Variants in ZC4H2 observed in about 807,000 individuals in gnomAD.
The protein encoded by ZC4H2 is zinc finger C4H2 domain-containing protein.
For synonymous variants in ZC4H2, 84 were observed against 66.3 expected (o/e 1.27, Z -1.30); for missense variants, 137 against 173.9 (o/e 0.79, Z 1.19).
intron 1 of ZC4H2, among the ~76,000 whole-genome samples, chrX:65,028,044 G>T (rs906781151): frequency 9.0e-6 from 1 of 111,696 alleles, no homozygotes; most frequent in East Asian, 2.8e-4. Context: ...ACTTTCAATA[G>T]GAAGAAATCT....
chrX:64,975,817 G>C (rs1415758648), intron 1 of ZC4H2, among the ~76,000 whole-genome samples: 1 of 110,775 alleles, frequency 9.0e-6, no homozygotes, highest in Non-Finnish European at 1.9e-5. Context: ...AAAGGAAAAC[G>C]AGCGCGCGCC....
At chrX:64,952,425 T>C (rs138177425) in intron 1 of ZC4H2, among the ~76,000 whole-genome samples, 63 of 110,266 alleles carry the variant, frequency 5.7e-4, no homozygotes, top group African/African-American at 2.1e-3. Flanking sequence ...GACCCCATCA[T>C]GTCAGCCCAA....
At chrX:64,965,837 C>A (rs918618476) in intron 1 of ZC4H2, among the ~76,000 whole-genome samples, 1 of 106,748 alleles carries the variant, frequency 9.4e-6, no homozygotes, top group Non-Finnish European at 1.9e-5. Flanking sequence ...ATTGGGGAAG[C>A]TGAAGTGGGA....
chrX:64,947,859 TG>T (rs1391714526), intron 1 of ZC4H2, among the ~76,000 whole-genome samples: 1,723 of 108,379 alleles, frequency 0.016, 40 homozygotes, highest in African/African-American at 0.058. Context: ...TTTTTTTTTT[TG>T]TTTATAAATC....
At chrX:64,967,214 G>A (rs1180076820) in intron 1 of ZC4H2, among the ~76,000 whole-genome samples, 1 of 111,393 alleles carries the variant, frequency 9.0e-6, no homozygotes. Flanking sequence ...CCTTTACTAT[G>A]GTCTTCAGGA....
intron 1 of ZC4H2, among the ~76,000 whole-genome samples, chrX:64,945,748 C>G (rs1930498389): frequency 1.8e-5 from 2 of 111,640 alleles, no homozygotes; most frequent in Non-Finnish European, 1.9e-5. Context: ...CTAACTGGGA[C>G]TGCTGCCTTT....
chrX:64,987,680 A>G (rs1932217219), intron 1 of ZC4H2, among the ~76,000 whole-genome samples: 1 of 110,368 alleles, frequency 9.1e-6, no homozygotes, highest in African/African-American at 3.3e-5. Flanking sequence ...ATCTAGGACT[A>G]AGCAAAGGAT....
intron 1 of ZC4H2, among the ~76,000 whole-genome samples, chrX:64,925,040 T>A (rs1391874270): frequency 9.0e-6 from 1 of 111,153 alleles, no homozygotes; most frequent in Non-Finnish European, 1.9e-5. Context: ...TGGTGAGGAT[T>A]AAATGAGCTA....
intron 1 of ZC4H2, among the ~76,000 whole-genome samples, chrX:64,988,129 T>G (rs1260780356): frequency 9.1e-6 from 1 of 110,354 alleles, no homozygotes; most frequent in South Asian, 3.9e-4. Flanking sequence ...TAATCCACTC[T>G]ATCATTGTTG....
chrX:64,986,395 C>G (rs934837205), intron 1 of ZC4H2, among the ~76,000 whole-genome samples: 3 of 112,095 alleles, frequency 2.7e-5, no homozygotes, highest in Admixed American at 1.9e-4. Context: ...AATCTAAGGC[C>G]AGGCATTCCC....
chrX:65,007,794 A>C (rs756465432), intron 1 of ZC4H2, among the ~76,000 whole-genome samples: 15 of 112,156 alleles, frequency 1.3e-4, no homozygotes, highest in Non-Finnish European at 2.6e-4. Flanking sequence ...CACCATATAC[A>C]AGAATCAAAA....
chrX:64,949,859 C>G (rs1930710953), intron 1 of ZC4H2, among the ~76,000 whole-genome samples: 3 of 111,474 alleles, frequency 2.7e-5, no homozygotes, highest in Admixed American at 1.9e-4. Flanking sequence ...CAGTTCTGCT[C>G]TGATCTTAGT....
chrX:64,951,245 A>G (rs1395916870), intron 1 of ZC4H2, among the ~76,000 whole-genome samples: 1 of 112,338 alleles, frequency 8.9e-6, no homozygotes, highest in Non-Finnish European at 1.9e-5. Flanking sequence ...TGCTATTGTG[A>G]ATAGTGCCAC....
At chrX:64,934,320 T>A (rs953408847) in intron 1 of ZC4H2, among the ~76,000 whole-genome samples, 5 of 112,541 alleles carry the variant, frequency 4.4e-5, no homozygotes, top group African/African-American at 1.6e-4. Context: ...TTGGAAACTG[T>A]TAAATTACAA....
chrX:65,002,504 C>T (rs1932562972), intron 1 of ZC4H2, among the ~76,000 whole-genome samples: 1 of 110,921 alleles, frequency 9.0e-6, no homozygotes, highest in Non-Finnish European at 1.9e-5. Flanking sequence ...GCCCGGCCGC[C>T]CCTTCTGGGA....
intron 1 of ZC4H2, among the ~76,000 whole-genome samples, chrX:64,985,328 G>A (rs762207902): frequency 2.7e-4 from 30 of 111,675 alleles, no homozygotes; most frequent in Non-Finnish European, 4.0e-4. Context: ...GTGTATGACC[G>A]TTCCCTTTTT....
chrX:64,951,032 C>T (rs1347092239), intron 1 of ZC4H2, among the ~76,000 whole-genome samples: 2 of 110,662 alleles, frequency 1.8e-5, no homozygotes, highest in Non-Finnish European at 3.8e-5. Flanking sequence ...GTTCAATTCC[C>T]ACCTATGAGT....
chrX:64,950,747 A>G (rs1376582641), intron 1 of ZC4H2, among the ~76,000 whole-genome samples: 1 of 110,994 alleles, frequency 9.0e-6, no homozygotes, highest in African/African-American at 3.3e-5. Flanking sequence ...GTGTCTCCAC[A>G]TGTGAGATGG....
chrX:64,949,513 C>G (rs1602409371), intron 1 of ZC4H2, among the ~76,000 whole-genome samples: 1 of 111,496 alleles, frequency 9.0e-6, no homozygotes, highest in South Asian at 3.7e-4. Context: ...TTGGAATGCT[C>G]CAGAGGGACC....
Sources: allele counts gnomAD v4.1 joint callset (sites outside exome capture counted in the v4.1 genomes callset), GRCh38; gene constraint gnomAD v4.1.1; transcripts MANE v1.5; gene names NCBI Gene and HGNC (gene_info 2026-07-23, HGNC 2026-07-21).